Variants in ARHGEF3 observed in about 807,000 individuals in gnomAD.
ARHGEF3 encodes the protein 59.8 kDA protein.
A neutral mutation model predicts 63.2 loss-of-function variants in ARHGEF3; 28 were observed. That is an observed-to-expected ratio of 0.44 (90% CI 0.33 to 0.61). ARHGEF3 has a LOEUF of 0.61. ARHGEF3 is among the 20% of genes least tolerant of loss of function. The pLI is 0.03. For synonymous variants in ARHGEF3, 266 were observed against 254.2 expected, an observed-to-expected ratio of 1.05 and a Z score of -0.44; for missense variants, 533 against 659.3, an observed-to-expected ratio of 0.81 and a Z score of 2.10.
At chr3:56,780,803 T>C (rs1020385133) in intron 1 of ARHGEF3, among the ~76,000 whole-genome samples, 14 of 152,376 alleles carry the variant, frequency 9.2e-5, no homozygotes, top group Middle Eastern at 3.4e-3. Context: ...GATGTATCCT[T>C]CCTGGTATAT....
chr3:56,852,375 T>C (rs1190415830), intron 4 of ARHGEF3, among the ~76,000 whole-genome samples: 1 of 152,208 alleles, frequency 6.6e-6, no homozygotes, highest in Non-Finnish European at 1.5e-5. Flanking sequence ...TCTTTTGTAG[T>C]TTCTTTGAAT....
intron 4 of ARHGEF3, among the ~76,000 whole-genome samples, chr3:56,839,093 T>C (rs2039223364): frequency 6.6e-6 from 1 of 152,122 alleles, no homozygotes; most frequent in Non-Finnish European, 1.5e-5. Flanking sequence ...GAGCTGTGAT[T>C]GTGCCACTGC....
intron 2 of ARHGEF3, among the ~76,000 whole-genome samples, chr3:56,968,210 ATATAT>A (rs1700716373): frequency 1.3e-4 from 3 of 22,582 alleles, no homozygotes; most frequent in Non-Finnish European, 2.6e-4. Flanking sequence ...ATATAAAAAT[ATATAT>A]TATATATAAT....
At chr3:56,898,504 T>C (rs1009799515) in intron 3 of ARHGEF3, 2 of 169,878 alleles carry the variant, frequency 1.2e-5, no homozygotes, top group Admixed American at 1.2e-4. Context: ...CCACAGCGCC[T>C]GGCCAGTCTT....
chr3:56,774,127 C>A (rs147885508), intron 1 of ARHGEF3, among the ~76,000 whole-genome samples: 5,556 of 152,246 alleles, frequency 0.036, 151 homozygotes, highest in Middle Eastern at 0.065. Context: ...TTAGTAGAAC[C>A]AGTCTCCCCA....
chr3:56,889,790 A>G (rs779499236), intron 3 of ARHGEF3, among the ~76,000 whole-genome samples: 2 of 152,230 alleles, frequency 1.3e-5, no homozygotes, highest in Non-Finnish European at 2.9e-5. Flanking sequence ...GGCTGGGCGC[A>G]GTGGCTCATG....
At chr3:56,781,076 C>T (rs750975328) in intron 1 of ARHGEF3, among the ~76,000 whole-genome samples, 14 of 152,118 alleles carry the variant, frequency 9.2e-5, no homozygotes, top group Non-Finnish European at 1.9e-4. Context: ...TTTAGAGACA[C>T]ACATGGAGAA....
At chr3:56,828,778 G>A (rs1398094180) in intron 4 of ARHGEF3, among the ~76,000 whole-genome samples, 1 of 152,100 alleles carries the variant, frequency 6.6e-6, no homozygotes, top group Non-Finnish European at 1.5e-5. Context: ...GATCCATCCT[G>A]GGTTATGGCA....
At chr3:56,989,769 C>A (rs754361766) in intron 2 of ARHGEF3, among the ~76,000 whole-genome samples, 1 of 152,206 alleles carries the variant, frequency 6.6e-6, no homozygotes, top group Non-Finnish European at 1.5e-5. Flanking sequence ...TTCTAACTCT[C>A]CTGGCTTTCT....
chr3:57,026,147 T>A (rs1227316858), intron 2 of ARHGEF3, among the ~76,000 whole-genome samples: 1 of 152,046 alleles, frequency 6.6e-6, no homozygotes, highest in East Asian at 1.9e-4. Flanking sequence ...CACCTATAAT[T>A]CCAGCTCTTT....
intron 3 of ARHGEF3, among the ~76,000 whole-genome samples, chr3:56,896,316 T>C (rs773055420): frequency 9.8e-5 from 15 of 152,304 alleles, no homozygotes; most frequent in Non-Finnish European, 1.8e-4. Flanking sequence ...AAAATATTTT[T>C]CTTCCTAATT....
chr3:57,051,488 A>T (rs550092007), intron 1 of ARHGEF3, among the ~76,000 whole-genome samples: 1 of 151,998 alleles, frequency 6.6e-6, no homozygotes, highest in Non-Finnish European at 1.5e-5. Flanking sequence ...ACTCCACCTC[A>T]AAAAAAATAA....
intron 2 of ARHGEF3, among the ~76,000 whole-genome samples, chr3:56,996,890 A>ATTTTTTTTT (rs534187681): frequency 2.2e-5 from 3 of 136,502 alleles, no homozygotes; most frequent in Admixed American, 7.4e-5. Context: ...TATTATTATT[A>ATTTTTTTTT]TTTTTTTTTT....
At chr3:56,795,345 C>G (rs1005396195) in intron 1 of ARHGEF3, among the ~76,000 whole-genome samples, 1 of 152,124 alleles carries the variant, frequency 6.6e-6, no homozygotes, top group South Asian at 2.1e-4. Flanking sequence ...TGGGTCATTT[C>G]CTGGAGGCTG....
At chr3:56,866,315 A>C (rs2040246051) in intron 4 of ARHGEF3, among the ~76,000 whole-genome samples, 1 of 152,188 alleles carries the variant, frequency 6.6e-6, no homozygotes, top group Non-Finnish European at 1.5e-5. Flanking sequence ...AGGTATTTTC[A>C]ACCAAAACCT....
chr3:56,871,874 C>G (rs1241627613), intron 4 of ARHGEF3, among the ~76,000 whole-genome samples: 1 of 152,100 alleles, frequency 6.6e-6, no homozygotes, highest in Non-Finnish European at 1.5e-5. Flanking sequence ...GTATTTCTTT[C>G]CAGTATGAAT....
At chr3:56,968,005 AT>A (rs373621805) in intron 2 of ARHGEF3, among the ~76,000 whole-genome samples, 22,888 of 60,748 alleles carry the variant, frequency 0.38, 4,840 homozygotes, top group Non-Finnish European at 0.45. Context: ...TATAATATAT[AT>A]TTTTAAATAT....
chr3:57,071,262 C>CA (rs1320008534), intron 1 of ARHGEF3, among the ~76,000 whole-genome samples: 2 of 152,080 alleles, frequency 1.3e-5, no homozygotes, highest in Non-Finnish European at 2.9e-5. Flanking sequence ...TTTCCATATG[C>CA]AAAAAATGAA....
chr3:56,968,270 A>T (rs74201610), intron 2 of ARHGEF3, among the ~76,000 whole-genome samples: 2 of 48,734 alleles, frequency 4.1e-5, no homozygotes, highest in African/African-American at 6.6e-5. Flanking sequence ...TAAATATATA[A>T]TATATAAAAT....
Sources: gnomAD v4.1 joint callset for allele counts (sites outside exome capture counted in the v4.1 genomes callset) on GRCh38, gnomAD v4.1.1 for gene constraint, MANE v1.5 for transcripts, NCBI Gene and HGNC (gene_info 2026-07-23, HGNC 2026-07-21) for gene names.